RPLP0: variants seen among roughly 807,000 people sequenced by gnomAD.
RPLP0 encodes large ribosomal subunit protein uL10.
For missense variants in RPLP0, 276 were observed against 402.9 expected (o/e 0.69, Z 2.70); for synonymous variants, 137 against 153.4 (o/e 0.89, Z 0.79).
At position 120,196,801 on chromosome 12, in the gene RPLP0, T is replaced by C. The variant is rs1381987532; in HGVS notation, c.926A>G (p.Glu309Gly). 1 of 1,590,752 alleles carries C rather than the reference T, an allele frequency of 6.3e-7. No homozygotes were observed. The change falls in exon 8 of 8, where the codon GAG becomes GGG. Residue 309 changes from glutamate (E) to glycine (G), a missense_variant. By Grantham distance (98) the Glu-to-Gly change is moderately conservative (BLOSUM62 -2). Transcript: ENST00000392514. ...EAKEESEESD[E>G]DMGFGLFD ...GTCAAAGAGACCAAATCCCATATCC[T>C]CGTCCGACTCCTCCGACTCTTCCTT... is the stretch of plus-strand genomic sequence containing the variant.
chr12:120,197,488 C>G, intron 6 of RPLP0, 26 bp from the exon 7 acceptor site: 2 of 1,610,868 alleles, frequency 1.2e-6, no homozygotes, highest in South Asian at 1.1e-5. Flanking sequence ...TTTCATTTTA[C>G]GTGAGATTCC....
At chr12:120,197,243 A>T in intron 7 of RPLP0, 79 bp downstream of exon 7, 1 of 1,306,876 alleles carries the variant, frequency 7.7e-7, no homozygotes, top group South Asian at 1.2e-5. Context: ...CAACTATAAA[A>T]GCAGTAAGGT....
intron 2 of RPLP0, 47 bp downstream of exon 2, chr12:120,200,683 T>C: frequency 6.3e-7 from 1 of 1,588,552 alleles, no homozygotes; most frequent in Non-Finnish European, 8.6e-7. Context: ...TGTCCCTATT[T>C]GCGCTGGGGC....
rs542051414 is a variant in RPLP0, at chr12:120,199,650, G to A, written c.55-165C>T. ...ACGTTGTAACACTGCCAAACTGGAT[G>A]ATTGGCTAGCTGGGTATGAACGCTG... On this transcript the variant is annotated intron_variant, in intron 2 of 7. Coordinates refer to ENST00000392514, the MANE Select transcript of RPLP0 (RefSeq NM_001002.4). The A allele has an allele frequency of 1.7e-5, 11 of 658,700 alleles. No homozygotes were observed. The East Asian group carries it at 2.8e-4, about 17-fold the overall frequency. 40.8% of individuals were successfully genotyped at this position (658,700 alleles called of 1,614,324 possible).
At chr12:120,201,032 T>G (rs2136129699) in intron 1 of RPLP0, 51 bp downstream of exon 1, 1 of 487,800 alleles carries the variant, frequency 2.1e-6, no homozygotes, top group East Asian at 3.5e-5. Context: ...CAAAGACCCC[T>G]CCATGCTTCC....
chr12:120,200,685 C>G lies in RPLP0; in HGVS notation c.54+45G>C, dbSNP rs375747474. The stretch of plus-strand genomic sequence containing the variant: ...CATAGCAGCTGACTGTCCCTATTTG[C>G]GCTGGGGCAACATGAAGAGCAGAGG... On this transcript the variant is annotated intron_variant, in intron 2 of 7. Transcript: ENST00000392514. 2.0e-5 allele frequency: 31 copies of G among 1,588,706 alleles called. No homozygotes were observed. The African/African-American group carries it at 4.0e-4, about 21-fold the overall frequency.
chr12:120,197,146 CTCT>C (rs1879213395), intron 7 of RPLP0, 173 bp downstream of exon 7: 32 of 1,027,360 alleles, frequency 3.1e-5, no homozygotes, highest in Middle Eastern at 3.2e-4. Context: ...CTCTTTGGGT[CTCT>C]TGTCATTTCT....
intron 2 of RPLP0, chr12:120,200,206 T>C (rs1438705655): frequency 4.6e-6 from 2 of 432,482 alleles, no homozygotes; most frequent in African/African-American, 2.0e-5. Context: ...GGCTCACACC[T>C]GTAATCCTAG....
Position 120,199,630 on chromosome 12 carries a change from G to T in RPLP0, c.55-145C>A, listed in dbSNP as rs142394923. The T allele has an allele frequency of 1.7e-4, 133 of 761,624 alleles. 1 individual carries two copies. The East Asian group carries it at 3.5e-3, about 20-fold the overall frequency. 47.2% of individuals were successfully genotyped at this position (761,624 alleles called of 1,614,324 possible). On this transcript the variant is annotated intron_variant, in intron 2 of 7. Transcript: ENST00000392514. ...TCAGAGGGAGATTGGGAGCTACGTT[G>T]TAACACTGCCAAACTGGATGATTGG...
Position 120,198,520 on chromosome 12 carries a change from C to T in RPLP0, c.651+34G>A. On this transcript the variant is annotated intron_variant, in intron 6 of 7. Transcript: ENST00000392514. The surrounding 1 kb of genome is among the most constrained non-coding windows in gnomAD (Gnocchi z 4.1). ...TGAACCTTGTCATGCTCTCAACCAT[C>T]AGTGTAAGAGGGGGCAAGGCTGACA... is the stretch of plus-strand genomic sequence containing the variant. The T allele has an allele frequency of 2.5e-6, 4 of 1,612,422 alleles. No homozygotes were observed. Among genetic ancestry groups the T allele is most frequent in the Non-Finnish European group, 2.5e-6 (3 of 1,178,608 alleles).
chr12:120,201,059 C>T (rs1029638039), intron 1 of RPLP0, 24 bp downstream of exon 1: 5 of 437,820 alleles, frequency 1.1e-5, no homozygotes, highest in African/African-American at 8.1e-5. Flanking sequence ...CGACCCCTGG[C>T]GCCCATCTAA....
rs577237279 is a variant in RPLP0, at chr12:120,198,365, G to T, written c.651+189C>A. On this transcript the variant is annotated intron_variant, in intron 6 of 7. Transcript: ENST00000392514. The surrounding 1 kb of genome is among the most constrained non-coding windows in gnomAD (Gnocchi z 4.1). ...TGTGCCACTGCACTCCAGCCTGGGC[G>T]ACACAGCAAGACTCTGTCTCCAAAA... The T allele has an allele frequency of 1.6e-6, 1 of 608,266 alleles. No individual in the cohort carries two copies. The highest frequency in any genetic ancestry group is 2.8e-6 in the Non-Finnish European group (1 of 362,160). The allele number at this position is 608,266 out of a possible 1,614,324, so 37.7% of individuals were successfully genotyped here. A position where few individuals can be genotyped will look rare whatever the true frequency, so the allele number is the denominator to read the frequency against.
Position 120,198,915 on chromosome 12 carries a change from G to A in RPLP0, c.404C>T (p.Thr135Ile). 6.2e-7 allele frequency: 1 copy of A among 1,613,552 alleles called. No homozygotes were observed. ...AQNTGLGPEK[T>I]SFFQALGITT... ...GATACCTAAAGCCTGGAAAAAGGAG[G>A]TCTTCTCGGGCCCGAGACCAGTGTT... Residue 135 changes from threonine to isoleucine, a missense_variant, in exon 5 of 8, where the codon ACC becomes ATC. Physicochemically the swap from Thr to Ile is moderately conservative, Grantham distance 89 (BLOSUM62 -1). Transcript: ENST00000392514. This position sits in a 1 kb window ranked among gnomAD's most constrained non-coding sequence, Gnocchi z 4.1.
Position 120,198,455 on chromosome 12 carries a change from G to A in RPLP0, c.651+99C>T. 11 of 1,257,266 alleles carry A rather than the reference G, an allele frequency of 8.7e-6. 1 individual carries two copies. The South Asian group carries it at 1.4e-4, about 16-fold the overall frequency. 77.9% of individuals were successfully genotyped at this position (1,257,266 alleles called of 1,614,324 possible). A position where few individuals can be genotyped will look rare whatever the true frequency, so the allele number is the denominator to read the frequency against. ...TGACATTTTACAGATGAGGTAGGTA[G>A]ACAGATGAAAACACAGTCCTTGGTT... On this transcript the variant is annotated intron_variant, in intron 6 of 7. Coordinates refer to ENST00000392514, the MANE Select transcript of RPLP0 (RefSeq NM_001002.4). The surrounding 1 kb of genome is among the most constrained non-coding windows in gnomAD (Gnocchi z 4.1).
chr12:120,201,053 C>G (rs1031777823), intron 1 of RPLP0, 30 bp downstream of exon 1: 14 of 449,046 alleles, frequency 3.1e-5, no homozygotes, highest in Non-Finnish European at 4.3e-5. Context: ...CGCCGGCGAC[C>G]CCTGGCGCCC....
intron 1 of RPLP0, 109 bp downstream of exon 1, chr12:120,200,974 C>T: frequency 2.0e-6 from 2 of 986,056 alleles, no homozygotes; most frequent in Non-Finnish European, 1.4e-6. Context: ...AAGCCGCCAC[C>T]GAGGCCCCAG....
intron 2 of RPLP0, chr12:120,199,864 A>G (rs909373359): frequency 5.5e-5 from 20 of 366,620 alleles, no homozygotes; most frequent in Non-Finnish European, 1.1e-4. Context: ...AAGCAAATAT[A>G]GCAACATTAT....
At chr12:120,197,206 TCA>T in intron 7 of RPLP0, 114 bp downstream of exon 7, 2 of 1,085,220 alleles carry the variant, frequency 1.8e-6, no homozygotes, top group South Asian at 2.9e-5. Flanking sequence ...AAATATCCCC[TCA>T]CAAAATTATC....
At chr12:120,197,483 T>C (rs1282773004) in intron 6 of RPLP0, 21 bp from the exon 7 acceptor site, 6 of 1,612,272 alleles carry the variant, frequency 3.7e-6, no homozygotes, top group Non-Finnish European at 5.1e-6. Flanking sequence ...GAAGATTTCA[T>C]TTTACGTGAG....
Sources: gnomAD v4.1 joint callset for allele counts on GRCh38, gnomAD v4.1.1 for gene constraint, Gnocchi (gnomAD v3.1) non-coding constraint, MANE v1.5 for transcripts, NCBI Gene and HGNC (gene_info 2026-07-23, HGNC 2026-07-21) for gene names.